FRMD4B: variants seen among roughly 807,000 people sequenced by gnomAD.
FRMD4B encodes FERM domain-containing protein 4B.
Under a neutral mutation model 141.5 loss-of-function variants are expected in FRMD4B, and 74 were observed. The observed-to-expected ratio is 0.52, with a 90% CI of 0.43 to 0.63. The LOEUF (loss-of-function observed/expected upper bound fraction) is 0.63, where lower values mean the gene tolerates loss of function less well. Among genes scored for constraint, FRMD4B ranks in the 30% least tolerant of loss-of-function variants. The pLI is 0.00. For missense variants in FRMD4B, 1,366 were observed against 1,253.4 expected (o/e 1.09, Z -1.36); for synonymous variants, 506 against 467.9 (o/e 1.08, Z -1.05).
chr3:69,350,687 T>A (rs1447187545), intron 1 of FRMD4B, among the ~76,000 whole-genome samples: 4 of 152,110 alleles, frequency 2.6e-5, no homozygotes, highest in African/African-American at 9.7e-5. Flanking sequence ...ACATGGATGG[T>A]GCTGGAAACT....
chr3:69,314,138 C>CAAAAAAAAAAA (rs57956106), intron 1 of FRMD4B, among the ~76,000 whole-genome samples: 3 of 13,172 alleles, frequency 2.3e-4, no homozygotes, highest in Non-Finnish European at 3.6e-4. Context: ...GACTCCGTCT[C>CAAAAAAAAAAA]AAAAAAAAAA....
chr3:69,377,242 C>T (rs914978986), intron 1 of FRMD4B: 3 of 152,170 alleles, frequency 2.0e-5, no homozygotes, highest in African/African-American at 7.2e-5. Context: ...GATAAATGGA[C>T]TCATTTCATT....
chr3:69,457,679 G>T (rs908777735), intron 1 of FRMD4B, among the ~76,000 whole-genome samples: 2 of 152,098 alleles, frequency 1.3e-5, no homozygotes, highest in Non-Finnish European at 2.9e-5. Context: ...ATTTTTTAAA[G>T]TCCACTGAAT....
chr3:69,343,378 T>A (rs960745283), intron 1 of FRMD4B, among the ~76,000 whole-genome samples: 7 of 152,176 alleles, frequency 4.6e-5, no homozygotes, highest in Non-Finnish European at 5.9e-5. Flanking sequence ...TTCCTCTCTT[T>A]GTCCGTTAGG....
At chr3:69,337,328 T>C (rs1241499342) in intron 1 of FRMD4B, among the ~76,000 whole-genome samples, 4 of 152,192 alleles carry the variant, frequency 2.6e-5, no homozygotes, top group Admixed American at 2.6e-4. Flanking sequence ...AAGACTTAAA[T>C]GTTAGACCTA....
chr3:69,496,627 G>C (rs1403294515), intron 1 of FRMD4B, among the ~76,000 whole-genome samples: 5 of 94,048 alleles, frequency 5.3e-5, no homozygotes, highest in Non-Finnish European at 1.1e-4. Flanking sequence ...GAGAGAGAGA[G>C]AGAGAGAGAA....
chr3:69,331,764 T>C (rs1281161368), intron 1 of FRMD4B, among the ~76,000 whole-genome samples: 1 of 152,012 alleles, frequency 6.6e-6, no homozygotes, highest in Admixed American at 6.6e-5. Flanking sequence ...ATATTAATAA[T>C]TATTAATAAT....
chr3:69,439,951 T>G (rs566633270), intron 1 of FRMD4B, among the ~76,000 whole-genome samples: 4 of 152,330 alleles, frequency 2.6e-5, no homozygotes, highest in Non-Finnish European at 4.4e-5. Flanking sequence ...CTTTTTGATT[T>G]GTAGGAGTTC....
rs371111532 is a variant in FRMD4B at position 69,171,829 on chromosome 3, C to T, written c.*32G>A. ...TTTGCAAGGCACACTAGTGTGAGAACGCAGTGCTTGGTCAGGAGGTCCAAC... is the reference window on the plus strand; with the variant it reads ...TTTGCAAGGCACACTAGTGTGAGAATGCAGTGCTTGGTCAGGAGGTCCAAC... On this transcript the variant is annotated 3_prime_UTR_variant, in exon 23 of 23. Coordinates refer to ENST00000398540, the MANE Select transcript of FRMD4B (RefSeq NM_015123.3). 4.6e-5 allele frequency: 73 copies of T among 1,602,068 alleles called. No homozygotes were observed. Among genetic ancestry groups the T allele is most frequent in the Admixed American group, 1.2e-4 (7 of 59,346 alleles).
intron 7 of FRMD4B, among the ~76,000 whole-genome samples, chr3:69,243,524 A>G (rs1431980172): frequency 6.6e-6 from 1 of 152,178 alleles, no homozygotes; most frequent in African/African-American, 2.4e-5. Context: ...TCTGTGTGCA[A>G]TGAGAAATTA....
At chr3:69,333,490 T>C (rs746250310) in intron 1 of FRMD4B, among the ~76,000 whole-genome samples, 8 of 152,230 alleles carry the variant, frequency 5.3e-5, no homozygotes, top group Non-Finnish European at 1.2e-4. Flanking sequence ...TGTAGAACTT[T>C]CAGTTTTGTT....
chr3:69,535,296 T>A (rs1430167813), intron 1 of FRMD4B, among the ~76,000 whole-genome samples: 2 of 152,174 alleles, frequency 1.3e-5, no homozygotes, highest in East Asian at 3.9e-4. Flanking sequence ...ATTATGTGAT[T>A]TTGGCCAAGT....
intron 10 of FRMD4B, among the ~76,000 whole-genome samples, chr3:69,217,175 T>C (rs971196626): frequency 2.0e-5 from 3 of 152,244 alleles, no homozygotes; most frequent in Admixed American, 6.5e-5. Context: ...GTTTGAATAA[T>C]TGGTTTGAGG....
intron 5 of FRMD4B, among the ~76,000 whole-genome samples, chr3:69,279,748 CCTCCCCTCCTCCTT>C: frequency 1.0e-5 from 1 of 97,856 alleles, no homozygotes. Context: ...TTCCCCTCCT[CCTCCCCTCCTCCTT>C]CTCCTCCTCC....
chr3:69,456,388 C>G (rs1004678085), intron 1 of FRMD4B, among the ~76,000 whole-genome samples: 2 of 152,054 alleles, frequency 1.3e-5, no homozygotes, highest in African/African-American at 4.8e-5. Flanking sequence ...GGAATTTACC[C>G]TAAGGAAAAA....
Position 69,180,999 on chromosome 3 carries a change from C to T in FRMD4B, c.2751G>A (p.Gln917=). ...SGQKDQGHSP[Q]TSFDSDRGSQ... is the part of the protein sequence containing the mutation. ...ATCCCCTGTCTGAGTCAAAGCTGGT[C>T]TGCGGGCTGTGTCCCTGATCCTTCT... The change falls in exon 21 of 23, where the codon CAG becomes CAA. Residue 917 remains glutamine, a synonymous_variant. Coordinates refer to ENST00000398540, the MANE Select transcript of FRMD4B (RefSeq NM_015123.3). 1.9e-6 allele frequency: 3 copies of T among 1,614,052 alleles called. No homozygotes were observed. The highest frequency in any genetic ancestry group is 2.5e-6 in the Non-Finnish European group (3 of 1,179,894).
chr3:69,249,285 G>A, intron 6 of FRMD4B, 37 bp from the exon 7 acceptor site: 1 of 1,438,792 alleles, frequency 7.0e-7, no homozygotes, highest in Non-Finnish European at 9.7e-7. Context: ...TGATCAATAT[G>A]TATCTTTGTT....
intron 1 of FRMD4B, among the ~76,000 whole-genome samples, chr3:69,487,061 T>C (rs1706227145): frequency 6.6e-6 from 1 of 152,158 alleles, no homozygotes; most frequent in Non-Finnish European, 1.5e-5. Flanking sequence ...CTCTGTAATC[T>C]ATAACCAGAT....
At chr3:69,184,039 G>A (rs1212881380) in intron 19 of FRMD4B, among the ~76,000 whole-genome samples, 1 of 151,994 alleles carries the variant, frequency 6.6e-6, no homozygotes, top group African/African-American at 2.4e-5. Context: ...GGAATTACAG[G>A]TGTACACCAC....
Sources: gnomAD v4.1 joint callset for allele counts (sites outside exome capture counted in the v4.1 genomes callset) on GRCh38, gnomAD v4.1.1 for gene constraint, MANE v1.5 for transcripts, NCBI Gene and HGNC (gene_info 2026-07-23, HGNC 2026-07-21) for gene names.